The following GRPEL1 variants were observed in gnomAD, a reference collection of about 807,000 sequenced individuals.
The protein encoded by GRPEL1 is GrpE like 1, mitochondrial, also known as grpE protein homolog 1, mitochondrial.
GRPEL1 carries 13 observed loss-of-function variants against 22.1 expected under a neutral mutation model. The ratio of observed to expected loss-of-function variants is 0.59; its 90% CI spans 0.38 to 0.94. GRPEL1 has a LOEUF of 0.94. Among genes scored for constraint, GRPEL1 ranks in the 40% least tolerant of loss-of-function variants. The pLI, the probability that GRPEL1 is intolerant of heterozygous loss-of-function variation, is 0.00. For missense variants in GRPEL1, 289 were observed against 264.6 expected (o/e 1.09, Z -0.64); for synonymous variants, 109 against 105.3 (o/e 1.03, Z -0.21).
At position 7,062,485 on chromosome 4, in the gene GRPEL1, G is replaced by GAGATTTATAT. The variant is rs60458218; in HGVS notation, c.226-20_226-19insATATAAATCT. 767 of 379,908 alleles carry GAGATTTATAT rather than the reference G, an allele frequency of 2.0e-3. 2 individuals are homozygous for GAGATTTATAT. The highest frequency in any genetic ancestry group is 3.8e-3 in the Admixed American group (56 of 14,620). 23.5% of individuals were successfully genotyped at this position (379,908 alleles called of 1,614,324 possible). A position where few individuals can be genotyped will look rare whatever the true frequency, so the allele number is the denominator to read the frequency against. ...ATTTTTCCTAAAAGAGAAAAAAAGG[G>GAGATTTATAT]ATATTTATATATATATATATATATA... On this transcript the variant is annotated intron_variant, in intron 2 of 3. Transcript: ENST00000264954.
intron 1 of GRPEL1, among the ~76,000 whole-genome samples, chr4:7,064,503 A>G (rs1724121027): frequency 6.6e-6 from 1 of 152,066 alleles, no homozygotes; most frequent in African/African-American, 2.4e-5. Flanking sequence ...CTATATATCT[A>G]TCTATCTATA....
At position 7,067,906 on chromosome 4, in the gene GRPEL1, A is replaced by C. The variant is rs535339315; in HGVS notation, c.62+65T>G. ...CGGGAAGGAGGCCCCGGGGCCGGGAAAGGCCCCCATCGGAGCGGGAGGTCG... is the reference window on the plus strand; with the variant it reads ...CGGGAAGGAGGCCCCGGGGCCGGGACAGGCCCCCATCGGAGCGGGAGGTCG... On this transcript the variant is annotated intron_variant, in intron 1 of 3. Coordinates refer to ENST00000264954, the MANE Select transcript of GRPEL1 (RefSeq NM_025196.4). The C allele has an allele frequency of 3.5e-5, 54 of 1,522,616 alleles. 1 individual carries two copies. In the South Asian group the frequency reaches 6.1e-4, roughly 17 times the overall value. The allele number at this position is 1,522,616 out of a possible 1,614,324, so 94.3% of individuals were successfully genotyped here.
intron 2 of GRPEL1, 50 bp from the exon 3 acceptor site, chr4:7,062,516 C>T (rs6812318): frequency 0.81 from 444,013 of 545,384 alleles, 176,523 homozygotes; most frequent in South Asian, 0.85. Flanking sequence ...ATATATATAT[C>T]TTTTTTTTTG....
chr4:7,062,486 ATATT>A lies in GRPEL1; in HGVS notation c.226-24_226-21del, dbSNP rs763294093. 1.2e-4 allele frequency: 48 copies of A among 395,820 alleles called. 4 individuals carry two copies. The African/African-American group carries it at 1.8e-3, about 14-fold the overall frequency. 24.5% of individuals were successfully genotyped at this position (395,820 alleles called of 1,614,324 possible). ...TTTTTCCTAAAAGAGAAAAAAAGGGATATTTATATATATATATATATATATATAT... is the reference window on the plus strand; with the variant it reads ...TTTTTCCTAAAAGAGAAAAAAAGGGATATATATATATATATATATATATAT... On this transcript the variant is annotated intron_variant, in intron 2 of 3. Coordinates refer to ENST00000264954, the MANE Select transcript of GRPEL1 (RefSeq NM_025196.4).
Position 7,062,485 on chromosome 4 carries a change from G to GAGATGTATAT in GRPEL1, c.226-20_226-19insATATACATCT, listed in dbSNP as rs60458218. ...ATTTTTCCTAAAAGAGAAAAAAAGG[G>GAGATGTATAT]ATATTTATATATATATATATATATA... On this transcript the variant is annotated intron_variant, in intron 2 of 3. Transcript: ENST00000264954. The GAGATGTATAT allele has an allele frequency of 2.4e-5, 9 of 380,484 alleles. No homozygotes were observed. In the African/African-American group the frequency reaches 3.4e-4, roughly 14 times the overall value. 23.6% of individuals were successfully genotyped at this position (380,484 alleles called of 1,614,324 possible).
intron 1 of GRPEL1, among the ~76,000 whole-genome samples, chr4:7,066,172 C>T (rs968175782): frequency 6.6e-6 from 1 of 152,200 alleles, no homozygotes; most frequent in African/African-American, 2.4e-5. Flanking sequence ...ATTCAATTTT[C>T]TTCCCAGATT....
intron 1 of GRPEL1, among the ~76,000 whole-genome samples, chr4:7,064,536 TTTC>T (rs1188551729): frequency 6.6e-6 from 1 of 152,186 alleles, no homozygotes; most frequent in Non-Finnish European, 1.5e-5. Flanking sequence ...TCTATATGTA[TTTC>T]TTTTTTTTTG....
chr4:7,062,805 C>T (rs1411026242), intron 2 of GRPEL1, among the ~76,000 whole-genome samples: 2 of 152,108 alleles, frequency 1.3e-5, no homozygotes, highest in African/African-American at 4.8e-5. Flanking sequence ...GGCCACCATG[C>T]CTGGCCGGGA....
At chr4:7,067,329 C>T (rs548767725) in intron 1 of GRPEL1, 1 of 152,366 alleles carries the variant, frequency 6.6e-6, no homozygotes, top group African/African-American at 2.4e-5. Flanking sequence ...ACAAACTCTT[C>T]GCCCAGCAGC....
rs914220754 is a variant in GRPEL1, at chr4:7,064,148, C to G, written c.138G>C (p.Gln46His). ...SGQNLEEDMG[Q>H]SEQKADPPAT... ...CAGGAGGATCTGCCTTCTGTTCACTCTGACCCATGTCCTCTTCCAGGTTCT... is the reference window on the plus strand; with the variant it reads ...CAGGAGGATCTGCCTTCTGTTCACTGTGACCCATGTCCTCTTCCAGGTTCT... The change falls in exon 2 of 4, where the codon CAG becomes CAC. Residue 46 changes from glutamine (Q) to histidine (H), a missense_variant. By Grantham distance (24) the Gln-to-His change is conservative. Transcript: ENST00000264954. The G allele has an allele frequency of 2.5e-6, 4 of 1,614,232 alleles. No homozygotes were observed. Among genetic ancestry groups the G allele is most frequent in the Non-Finnish European group, 3.4e-6 (4 of 1,180,036 alleles).
Position 7,064,097 on chromosome 4 carries a change from C to T in GRPEL1, c.189G>A (p.Glu63=), listed in dbSNP as rs1724103114. 1.2e-6 allele frequency: 2 copies of T among 1,614,104 alleles called. No individual in the cohort carries two copies. Among genetic ancestry groups the T allele is most frequent in the Admixed American group, 3.3e-5 (2 of 60,004 alleles). The change falls in exon 2 of 4, where the codon GAG becomes GAA. Residue 63 remains glutamate (E), a synonymous_variant. Transcript: ENST00000264954. ...TCAGCTGTTCCTCCAACTTGACCTT[C>T]TCTTCCAGGAGGGTCTTCTCTGTAG... is the stretch of plus-strand genomic sequence containing the variant. ...PPATEKTLLE[E]KVKLEEQLKE...
chr4:7,065,703 A>T (rs959533595), intron 1 of GRPEL1, among the ~76,000 whole-genome samples: 2 of 152,106 alleles, frequency 1.3e-5, no homozygotes, highest in African/African-American at 2.4e-5. Flanking sequence ...GGAAGATGAA[A>T]CTGCTTGGAC....
At position 7,062,737 on chromosome 4, in the gene GRPEL1, C is replaced by G. The variant is rs149310367; in HGVS notation, c.226-271G>C. Among the ~76,000 whole-genome samples, 7 of 152,202 alleles carry G rather than the reference C, an allele frequency of 4.6e-5. No homozygotes were observed. In the East Asian group the frequency reaches 1.4e-3, roughly 29 times the overall value. ...CCGTGTTAGCCAGGATGGTCTCCAT[C>G]TCCTGACCTTGTGATCCGACCGCCT... is the stretch of plus-strand genomic sequence containing the variant. On this transcript the variant is annotated intron_variant, in intron 2 of 3. Coordinates refer to ENST00000264954, the MANE Select transcript of GRPEL1 (RefSeq NM_025196.4).
chr4:7,061,001 G>T lies in GRPEL1; in HGVS notation c.515C>A (p.Pro172His). Residue 172 changes from proline to histidine, a missense_variant, in exon 4 of 4, where the codon CCT (proline) becomes CAT (histidine). Coordinates refer to ENST00000264954, the MANE Select transcript of GRPEL1 (RefSeq NM_025196.4). ...GTGGAACAAGGCCTCATGTTCATAA[G>T]GGTCGAACTTGGCTCCGACAGGGTT... Reference protein sequence around the residue: ...KLNPVGAKFDPYEHEALFHTP... With the variant: ...KLNPVGAKFDHYEHEALFHTP... 1 of 1,614,196 alleles carries T rather than the reference G, an allele frequency of 6.2e-7. No individual in the cohort carries two copies. Among genetic ancestry groups the T allele is most frequent in the Non-Finnish European group, 8.5e-7 (1 of 1,180,042 alleles).
intron 3 of GRPEL1, 90 bp from the exon 4 acceptor site, chr4:7,061,298 AT>A: frequency 2.1e-6 from 2 of 973,730 alleles, no homozygotes; most frequent in Non-Finnish European, 3.1e-6. Context: ...TGTGGAGGCT[AT>A]TTAGTAACTT....
intron 2 of GRPEL1, among the ~76,000 whole-genome samples, chr4:7,063,573 G>A (rs1046119082): frequency 3.9e-5 from 6 of 152,206 alleles, no homozygotes; most frequent in African/African-American, 1.4e-4. Context: ...TTGGAATGGT[G>A]CCAGCACTCA....
chr4:7,064,084 C>A lies in GRPEL1; in HGVS notation c.202G>T (p.Glu68Ter). 2.5e-6 allele frequency: 4 copies of A among 1,614,216 alleles called. No individual in the cohort carries two copies. Among genetic ancestry groups the A allele is most frequent in the Non-Finnish European group, 3.4e-6 (4 of 1,180,038 alleles). ...KTLLEEKVKL[E>*]EQLKETVEKY... ...ACCACAGTCTCCTTCAGCTGTTCCT[C>A]CAACTTGACCTTCTCTTCCAGGAGG... Residue 68 changes from glutamate to a stop codon, truncating the protein, a stop_gained, in exon 2 of 4, where the codon GAG (glutamate) becomes TAG (stop). Coordinates refer to ENST00000264954, the MANE Select transcript of GRPEL1 (RefSeq NM_025196.4). LOFTEE classifies it high-confidence loss of function.
rs765494140 is a variant in GRPEL1 at position 7,062,455 on chromosome 4, T to G, written c.237A>C (p.Lys79Asn). 1 of 1,546,848 alleles carries G rather than the reference T, an allele frequency of 6.5e-7. No homozygotes were observed. Among genetic ancestry groups the G allele is most frequent in the Non-Finnish European group, 8.8e-7 (1 of 1,137,832 alleles). ...AGTTCTCAGTGTCTGCCAAAGCTCG[T>G]TTATATTTTTCCTAAAAGAGAAAAA... ...EQLKETVEKY[K>N]RALADTENLR... is the part of the protein sequence containing the mutation. Residue 79 changes from lysine to asparagine, a missense_variant, in exon 3 of 4, where the codon AAA (lysine) becomes AAC (asparagine). Physicochemically the swap from Lys to Asn is moderately conservative, Grantham distance 94 (BLOSUM62 0). Transcript: ENST00000264954.
At position 7,064,228 on chromosome 4, in the gene GRPEL1, A is replaced by G. The variant is rs755877944; in HGVS notation, c.63-5T>C. 3 of 1,610,542 alleles carry G rather than the reference A, an allele frequency of 1.9e-6. No individual in the cohort carries two copies. The highest frequency in any genetic ancestry group is 2.7e-5 in the African/African-American group (2 of 74,938). ...CACAACAACCGGGGAGATGGCCTAC[A>G]GGGAAGTCCACACGTGAGAAACGAA... On this transcript the variant is annotated splice_polypyrimidine_tract_variant and splice_region_variant and intron_variant, in intron 1 of 3. Transcript: ENST00000264954.
Sources: allele counts gnomAD v4.1 joint callset (sites outside exome capture counted in the v4.1 genomes callset), GRCh38; gene constraint gnomAD v4.1.1; transcripts MANE v1.5; gene names NCBI Gene and HGNC (gene_info 2026-07-23, HGNC 2026-07-21).